CYTH3: variants seen among roughly 807,000 people sequenced by gnomAD.
CYTH3 encodes the protein cytohesin-3.
Under a neutral mutation model 55.1 loss-of-function variants are expected in CYTH3, and 23 were observed. That is an observed-to-expected ratio of 0.42 (90% CI 0.30 to 0.59). CYTH3 has a LOEUF of 0.59. Ranked by LOEUF, CYTH3 falls within the 20% of genes least tolerant of loss-of-function variation. CYTH3 has a pLI of 0.20. For missense variants in CYTH3, 413 were observed against 524.8 expected (o/e 0.79, Z 2.08); for synonymous variants, 249 against 194.9 (o/e 1.28, Z -2.31).
chr7:6,183,438 G>A (rs1783556508), intron 4 of CYTH3, among the ~76,000 whole-genome samples: 1 of 152,224 alleles, frequency 6.6e-6, no homozygotes, highest in East Asian at 1.9e-4. Context: ...AGGAGAGGCT[G>A]CAGAGTGTTT....
At chr7:6,238,524 A>G (rs866778058) in intron 1 of CYTH3, among the ~76,000 whole-genome samples, 4 of 152,232 alleles carry the variant, frequency 2.6e-5, no homozygotes, top group Non-Finnish European at 4.4e-5. Context: ...TAACCTATAC[A>G]AACAGGCAGG....
At position 6,171,241 on chromosome 7, in the gene CYTH3, G is replaced by A. The variant is rs1783184665; in HGVS notation, c.523C>T (p.Arg175Cys). The change falls in exon 7 of 13, where the codon CGC becomes TGC. Residue 175 changes from arginine to cysteine, a missense_variant. By Grantham distance (180) the Arg-to-Cys change is radical. Transcript: ENST00000350796. This position sits in a 1 kb window ranked among gnomAD's most constrained non-coding sequence, Gnocchi z 6.7. The part of the protein sequence containing the change: ...IDRMMEAFAS[R>C]YCLCNPGVFQ... The stretch of plus-strand genomic sequence containing the variant: ...ACCCCGGGGTTGCACAGGCAGTAGC[G>A]AGAAGCGAAAGCCTCCATCATGCGA... The A allele has an allele frequency of 6.2e-7, 1 of 1,614,164 alleles. No homozygotes were observed. The highest frequency in any genetic ancestry group is 8.5e-7 in the Non-Finnish European group (1 of 1,180,006).
chr7:6,198,727 A>G (rs1455005681), intron 1 of CYTH3, among the ~76,000 whole-genome samples: 1 of 152,062 alleles, frequency 6.6e-6, no homozygotes, highest in East Asian at 1.9e-4. Flanking sequence ...ACAAACATAT[A>G]AAAAGGCATA....
At chr7:6,236,622 G>A (rs2128554561) in intron 1 of CYTH3, among the ~76,000 whole-genome samples, 1 of 152,002 alleles carries the variant, frequency 6.6e-6, no homozygotes, top group East Asian at 2.0e-4. Context: ...ATAGTGGCAT[G>A]ATCTCAGCTC....
At chr7:6,258,324 AG>A (rs377471649) in intron 1 of CYTH3, among the ~76,000 whole-genome samples, 31 of 150,776 alleles carry the variant, frequency 2.1e-4, no homozygotes, top group African/African-American at 4.9e-4. Context: ...AAAAAAAAAA[AG>A]AAAAGAAAAG....
chr7:6,238,915 T>C (rs772243044), intron 1 of CYTH3, among the ~76,000 whole-genome samples: 26 of 151,788 alleles, frequency 1.7e-4, no homozygotes, highest in Non-Finnish European at 3.1e-4. Flanking sequence ...TTAAAAATAA[T>C]AATAATAATA....
chr7:6,259,819 TA>T (rs1780297248), intron 1 of CYTH3, among the ~76,000 whole-genome samples: 6 of 25,816 alleles, frequency 2.3e-4, no homozygotes, highest in African/African-American at 8.1e-4. Flanking sequence ...ATATAATATA[TA>T]TATATATATA....
chr7:6,189,681 T>C (rs570557438), intron 2 of CYTH3, among the ~76,000 whole-genome samples: 21 of 152,154 alleles, frequency 1.4e-4, no homozygotes, highest in African/African-American at 5.1e-4. Context: ...TGCCCACATA[T>C]TCACTCAAAG....
intron 1 of CYTH3, among the ~76,000 whole-genome samples, chr7:6,253,278 C>A (rs562841021): frequency 6.7e-6 from 1 of 150,054 alleles, no homozygotes; most frequent in South Asian, 2.1e-4. Context: ...AGTGCACTGG[C>A]AGAACCTTGG....
chr7:6,239,009 C>G (rs543553737), intron 1 of CYTH3, among the ~76,000 whole-genome samples: 4 of 152,198 alleles, frequency 2.6e-5, no homozygotes, highest in African/African-American at 9.6e-5. Flanking sequence ...AGGCCAGGAG[C>G]TCAAGACCAG....
At chr7:6,199,314 G>C (rs887093975) in intron 1 of CYTH3, among the ~76,000 whole-genome samples, 2 of 152,100 alleles carry the variant, frequency 1.3e-5, no homozygotes, top group African/African-American at 4.8e-5. Context: ...AGCCACAATG[G>C]AGTAACAGGG....
chr7:6,173,054 C>T (rs951096312), intron 6 of CYTH3: 1 of 1,070,190 alleles, frequency 9.3e-7, no homozygotes, highest in Non-Finnish European at 1.1e-6. Flanking sequence ...TGCCTCCTCT[C>T]CCCCGGATGC....
rs759828701 is a variant in CYTH3 at position 6,190,462 on chromosome 7, A to G, written c.104T>C (p.Ile35Thr). The G allele has an allele frequency of 7.1e-5, 107 of 1,508,004 alleles. No individual in the cohort carries two copies. Among genetic ancestry groups the G allele is most frequent in the South Asian group, 3.8e-5 (3 of 78,402 alleles). The allele number at this position is 1,508,004 out of a possible 1,614,324, so 93.4% of individuals were successfully genotyped here. ...TTTTTTTTTTACCTCAATGTCATCAATAAGTTCCTTTTTTCTTCGACGAAT... is the reference window on the plus strand; with the variant it reads ...TTTTTTTTTTACCTCAATGTCATCAGTAAGTTCCTTTTTTCTTCGACGAAT... ...LDIRRRKKEL[I>T]DDIERLKYEI... The change falls in exon 2 of 13, where the codon ATT (isoleucine) becomes ACT (threonine). Residue 35 changes from isoleucine (I) to threonine (T), a missense_variant. Transcript: ENST00000350796.
At chr7:6,205,986 C>G (rs965219158) in intron 1 of CYTH3, among the ~76,000 whole-genome samples, 1 of 150,082 alleles carries the variant, frequency 6.7e-6, no homozygotes, top group Non-Finnish European at 1.5e-5. Context: ...CTGCTTAAAC[C>G]CAAAACAGAA....
rs942013336 is a variant in CYTH3 at position 6,169,792 on chromosome 7, G to A, written c.823+743C>T. Among the ~76,000 whole-genome samples, 1 of 152,172 alleles carries A rather than the reference G, an allele frequency of 6.6e-6. No individual in the cohort carries two copies. Among genetic ancestry groups the A allele is most frequent in the Admixed American group, 6.5e-5 (1 of 15,280 alleles). On this transcript the variant is annotated intron_variant, in intron 9 of 12. Transcript: ENST00000350796. This position sits in a 1 kb window ranked among gnomAD's most constrained non-coding sequence, Gnocchi z 4.1. The stretch of plus-strand genomic sequence containing the variant: ...ATGGGGTGGAGGGTGACGCCGCAGG[G>A]ACAGGGCTGGCTGTCTGCTTCTCTA...
chr7:6,168,089 C>G (rs1305885288), intron 9 of CYTH3, among the ~76,000 whole-genome samples: 4 of 152,228 alleles, frequency 2.6e-5, no homozygotes, highest in Admixed American at 2.0e-4. Context: ...CTGGAACCTG[C>G]AGATGGGAGC....
chr7:6,257,883 C>T (rs1371114237), intron 1 of CYTH3, among the ~76,000 whole-genome samples: 1 of 152,138 alleles, frequency 6.6e-6, no homozygotes, highest in African/African-American at 2.4e-5. Context: ...TGAAATTCAG[C>T]AACAGCACCA....
chr7:6,260,108 C>T (rs1320801910), intron 1 of CYTH3, among the ~76,000 whole-genome samples: 3 of 151,304 alleles, frequency 2.0e-5, no homozygotes, highest in African/African-American at 7.3e-5. Context: ...GGATTACAGG[C>T]GTGTGCCACC....
At position 6,180,455 on chromosome 7, in the gene CYTH3, G is replaced by C. The variant is rs557268471; in HGVS notation, c.250-2514C>G. 3.0e-3 allele frequency among the ~76,000 whole-genome samples: 462 copies of C among 152,360 alleles called. 2 individuals carry two copies. The highest frequency in any genetic ancestry group is 3.6e-3 in the Non-Finnish European group (242 of 68,034). ...AGAAGGCCACAAGACAATGGAGGCA[G>C]AGACCACAGTGAGGTGCCCACGGCT... On this transcript the variant is annotated intron_variant, in intron 4 of 12. Transcript: ENST00000350796.
Sources: allele counts gnomAD v4.1 joint callset (sites outside exome capture counted in the v4.1 genomes callset), GRCh38; gene constraint gnomAD v4.1.1; non-coding constraint Gnocchi (gnomAD v3.1); transcripts MANE v1.5; gene names NCBI Gene and HGNC (gene_info 2026-07-23, HGNC 2026-07-21).